CORO2A: variants seen among roughly 807,000 people sequenced by gnomAD.
CORO2A encodes coronin-2A.
Under a neutral mutation model 62.4 loss-of-function variants are expected in CORO2A, and 47 were observed. The ratio of observed to expected loss-of-function variants is 0.75; its 90% CI spans 0.60 to 0.96. The LOEUF (loss-of-function observed/expected upper bound fraction) is 0.96. CORO2A is among the 40% of genes least tolerant of loss of function. The probability of loss-of-function intolerance (pLI) is 0.00; values close to 1 mark genes in which losing one functional copy is unlikely to be tolerated. For missense variants in CORO2A, 610 were observed against 684.1 expected (o/e 0.89, Z 1.21); for synonymous variants, 273 against 268.9 (o/e 1.02, Z -0.15).
chr9:98,125,718 T>C (rs1827307252), intron 11 of CORO2A, among the ~76,000 whole-genome samples: 1 of 141,152 alleles, frequency 7.1e-6, no homozygotes, highest in Admixed American at 7.0e-5. Context: ...CATTTTTTTT[T>C]TTTTTTTTTT....
At chr9:98,129,678 A>G (rs1305623319) in intron 8 of CORO2A, 116 bp downstream of exon 8, 4 of 768,594 alleles carry the variant, frequency 5.2e-6, no homozygotes, top group African/African-American at 5.1e-5. Flanking sequence ...CTCTCCTCCC[A>G]TCTGACTCAT....
intron 1 of CORO2A, among the ~76,000 whole-genome samples, chr9:98,188,123 C>T (rs750245901): frequency 3.9e-5 from 6 of 152,178 alleles, no homozygotes; most frequent in Non-Finnish European, 8.8e-5. Flanking sequence ...CAGGCATGGT[C>T]CTGCCTCAGG....
chr9:98,149,711 C>A (rs2118855233), intron 2 of CORO2A, among the ~76,000 whole-genome samples: 1 of 152,296 alleles, frequency 6.6e-6, no homozygotes, highest in South Asian at 2.1e-4. Flanking sequence ...TCCCATGAGG[C>A]CCCACCTCCA....
Position 98,169,938 on chromosome 9 carries a change from C to G in CORO2A, c.1-12278G>C, listed in dbSNP as rs182656004. On this transcript the variant is annotated intron_variant, in intron 1 of 11. Coordinates refer to ENST00000375077, the MANE Select transcript of CORO2A (RefSeq NM_052820.4). The stretch of plus-strand genomic sequence containing the variant: ...CTCCCCAGCTCTCAGACTGAGCAGT[C>G]TCTCCATCCCATGAGGTCCCATCCT... Among the ~76,000 whole-genome samples the G allele has an allele frequency of 1.5e-4, 23 of 152,186 alleles. No homozygotes were observed. The East Asian group carries it at 3.7e-3, about 24-fold the overall frequency.
At chr9:98,132,423 C>A in intron 5 of CORO2A, 122 bp from the exon 6 acceptor site, 1 of 715,426 alleles carries the variant, frequency 1.4e-6, no homozygotes, top group East Asian at 2.6e-5. Context: ...TTTCTCACCC[C>A]AGCTCTGCCT....
rs540075878 is a variant in CORO2A, at chr9:98,146,710, C to T, written c.202-9022G>A. ...ATGTCAGTGAAGTGAGAGCAAGGCC[C>T]GAGGCCACACCCAGGTCTGGGCTCC... On this transcript the variant is annotated intron_variant, in intron 2 of 11. Transcript: ENST00000375077. Among the ~76,000 whole-genome samples the T allele has an allele frequency of 4.6e-5, 7 of 152,300 alleles. No homozygotes were observed. The East Asian group carries it at 5.8e-4, about 13-fold the overall frequency.
chr9:98,178,422 ATCTTT>A (rs1828136215), intron 1 of CORO2A, among the ~76,000 whole-genome samples: 1 of 152,230 alleles, frequency 6.6e-6, no homozygotes, highest in Non-Finnish European at 1.5e-5. Flanking sequence ...TTCAGTACGA[ATCTTT>A]AAAAACCACG....
Position 98,121,558 on chromosome 9 carries a change from C to G in CORO2A, c.*3216G>C, listed in dbSNP as rs535431083. On this transcript the variant is annotated 3_prime_UTR_variant, in exon 12 of 12. Coordinates refer to ENST00000375077, the MANE Select transcript of CORO2A (RefSeq NM_052820.4). ...AAGTTTGTTCAAAGACACCTGTGTC[C>G]TGTTTGTTAAGTGTGCAGTCTGGGT... The G allele has an allele frequency of 3.9e-5, 6 of 152,200 alleles. No individual in the cohort carries two copies. Among genetic ancestry groups the G allele is most frequent in the African/African-American group, 1.4e-4 (6 of 41,530 alleles). The allele number at this position is 152,200 out of a possible 1,614,324, so 9.4% of individuals were successfully genotyped here.
rs748104776 is a variant in CORO2A, at chr9:98,128,236, A to G, written c.1105T>C (p.Tyr369His). Residue 369 changes from tyrosine (Y) to histidine (H), a missense_variant, in exon 10 of 12, where the codon TAC becomes CAC. Coordinates refer to ENST00000375077, the MANE Select transcript of CORO2A (RefSeq NM_052820.4). ...RRSESYQEDI[Y>H]PPTAGAQPSL... is the part of the protein sequence containing the mutation. ...GGCTGGGCCCCTGCTGTTGGAGGGT[A>G]TATGTCCTCTTGGTAGGATTCTGAC... 10 of 1,613,206 alleles carry G rather than the reference A, an allele frequency of 6.2e-6. No individual in the cohort carries two copies. The highest frequency in any genetic ancestry group is 7.6e-6 in the Non-Finnish European group (9 of 1,179,462).
intron 1 of CORO2A, among the ~76,000 whole-genome samples, chr9:98,159,758 G>A (rs1827858891): frequency 6.6e-6 from 1 of 151,944 alleles, no homozygotes; most frequent in South Asian, 2.1e-4. Flanking sequence ...CTGATTTGGG[G>A]TTCAGGGTCA....
At chr9:98,158,374 G>A (rs1344478443) in intron 1 of CORO2A, among the ~76,000 whole-genome samples, 2 of 152,138 alleles carry the variant, frequency 1.3e-5, no homozygotes, top group African/African-American at 4.8e-5. Flanking sequence ...AGACCCCTTG[G>A]TGCATGGCAG....
intron 1 of CORO2A, among the ~76,000 whole-genome samples, chr9:98,170,243 T>TA (rs1828015290): frequency 2.0e-5 from 3 of 152,088 alleles, no homozygotes; most frequent in Admixed American, 2.0e-4. Flanking sequence ...CTGTCAACCT[T>TA]AGATGGTTCT....
rs190872023 is a variant in CORO2A at position 98,168,977 on chromosome 9, G to T, written c.1-11317C>A. ...GGTTCTCCTAGGTGGAGGCCAGAAG[G>T]CCCCACCCTGCCCTAGTGCTGAGGG... is the stretch of plus-strand genomic sequence containing the variant. On this transcript the variant is annotated intron_variant, in intron 1 of 11. Coordinates refer to ENST00000375077, the MANE Select transcript of CORO2A (RefSeq NM_052820.4). Among the ~76,000 whole-genome samples the T allele has an allele frequency of 1.4e-4, 22 of 152,286 alleles. No homozygotes were observed. The East Asian group carries it at 4.3e-3, about 29-fold the overall frequency.
rs12005285 is a variant in CORO2A at position 98,173,985 on chromosome 9, G to A, written c.1-16325C>T. On this transcript the variant is annotated intron_variant, in intron 1 of 11. Coordinates refer to ENST00000375077, the MANE Select transcript of CORO2A (RefSeq NM_052820.4). ...TACAAAATTAGCCGGGCGTGGTGGC[G>A]CATGCCTGTAATCCCAGCTACTCGG... 1.7e-3 allele frequency among the ~76,000 whole-genome samples: 254 copies of A among 152,200 alleles called. 2 individuals are homozygous for A. Among genetic ancestry groups the A allele is most frequent in the African/African-American group, 6.0e-3 (248 of 41,530 alleles).
Position 98,128,671 on chromosome 9 carries a change from C to T in CORO2A, c.1016G>A (p.Arg339His), listed in dbSNP as rs747978763. 14 of 1,614,026 alleles carry T rather than the reference C, an allele frequency of 8.7e-6. No homozygotes were observed. The highest frequency in any genetic ancestry group is 4.0e-5 in the African/African-American group (3 of 74,902). ...TTTGGTTGTGATCAGCTTGTAGAAG[C>T]GGAAGATCTCGCAGGAGGACACGTC... ...GLDVSSCEIF[R>H]FYKLITTKSL... The change falls in exon 9 of 12, where the codon CGC becomes CAC. Residue 339 changes from arginine to histidine, a missense_variant. Coordinates refer to ENST00000375077, the MANE Select transcript of CORO2A (RefSeq NM_052820.4).
At chr9:98,131,825 G>T (rs1032097700) in intron 6 of CORO2A, among the ~76,000 whole-genome samples, 1 of 151,986 alleles carries the variant, frequency 6.6e-6, no homozygotes, top group African/African-American at 2.4e-5. Context: ...CCCAATGAAA[G>T]CTCCTTCTCC....
At chr9:98,166,060 C>T (rs1280423180) in intron 1 of CORO2A, among the ~76,000 whole-genome samples, 1 of 152,178 alleles carries the variant, frequency 6.6e-6, no homozygotes, top group East Asian at 1.9e-4. Flanking sequence ...TATAAAGTGG[C>T]CTTGCCAAAA....
chr9:98,148,455 C>T lies in CORO2A; in HGVS notation c.201+9005G>A, dbSNP rs145492242. On this transcript the variant is annotated intron_variant, in intron 2 of 11. Transcript: ENST00000375077. ...AAAATTTAAAAAAAGAAAGAAGGAA[C>T]ACATAATTGAGGCCAGGTGCAGTGG... Among the ~76,000 whole-genome samples the T allele has an allele frequency of 5.4e-3, 800 of 146,970 alleles. 10 individuals are homozygous for T. Among genetic ancestry groups the T allele is most frequent in the African/African-American group, 0.02 (783 of 40,000 alleles).
At chr9:98,139,063 G>T (rs78656811) in intron 2 of CORO2A, among the ~76,000 whole-genome samples, 27 of 142,834 alleles carry the variant, frequency 1.9e-4, no homozygotes, top group African/African-American at 6.9e-4. Flanking sequence ...AAAAAAAAAA[G>T]AAAGAAAAAT....
Sources: gnomAD v4.1 joint callset for allele counts (sites outside exome capture counted in the v4.1 genomes callset) on GRCh38, gnomAD v4.1.1 for gene constraint, MANE v1.5 for transcripts, NCBI Gene and HGNC (gene_info 2026-07-23, HGNC 2026-07-21) for gene names.